ATG4C: variants seen among roughly 807,000 people sequenced by gnomAD.
ATG4C encodes cysteine protease ATG4C.
Under a neutral mutation model 57.6 loss-of-function variants are expected in ATG4C, and 56 were observed. The observed-to-expected ratio is 0.97, with a 90% CI of 0.78 to 1.21. The LOEUF (loss-of-function observed/expected upper bound fraction) is 1.21. Ranked by LOEUF, ATG4C falls within the 50% of genes most tolerant of loss-of-function variation. ATG4C has a pLI of 0.00. For synonymous variants in ATG4C, 157 were observed against 174.1 expected, an observed-to-expected ratio of 0.90 and a Z score of 0.78; for missense variants, 595 against 529.8, an observed-to-expected ratio of 1.12 and a Z score of -1.21.
intron 10 of ATG4C, among the ~76,000 whole-genome samples, chr1:62,859,489 G>A (rs1353200399): frequency 6.6e-6 from 1 of 152,072 alleles, no homozygotes; most frequent in African/African-American, 2.4e-5. Context: ...ATAAAAAATG[G>A]TGTACCTGTG....
At chr1:62,860,643 A>T (rs1004256860) in intron 10 of ATG4C, among the ~76,000 whole-genome samples, 2 of 152,252 alleles carry the variant, frequency 1.3e-5, no homozygotes, top group Non-Finnish European at 2.9e-5. Context: ...ACAGTGTTAC[A>T]TCCACAAGAT....
intron 1 of ATG4C, among the ~76,000 whole-genome samples, chr1:62,791,096 AG>A (rs1018008214): frequency 6.6e-6 from 1 of 152,156 alleles, no homozygotes; most frequent in Non-Finnish European, 1.5e-5. Flanking sequence ...CTCATTGGAA[AG>A]GGGGAAAATA....
At chr1:62,787,058 G>A (rs1416489755) in intron 1 of ATG4C, among the ~76,000 whole-genome samples, 1 of 152,154 alleles carries the variant, frequency 6.6e-6, no homozygotes, top group Non-Finnish European at 1.5e-5. Flanking sequence ...TATATAACTG[G>A]AAGGATTGTT....
chr1:62,796,978 C>T (rs1023598305), intron 1 of ATG4C, among the ~76,000 whole-genome samples: 1 of 152,038 alleles, frequency 6.6e-6, no homozygotes, highest in Non-Finnish European at 1.5e-5. Context: ...CATGGTGGCA[C>T]ATGCCTGAAA....
chr1:62,841,459 C>G lies in ATG4C; in HGVS notation c.1121C>G (p.Ser374Cys). The G allele has an allele frequency of 1.9e-6, 3 of 1,607,662 alleles. No individual in the cohort carries two copies. Among genetic ancestry groups the G allele is most frequent in the Non-Finnish European group, 1.7e-6 (2 of 1,176,748 alleles). ...CACTGCCCTTCTCCCAAAAAGATGTCTTTTCGAAAAATGGATCCCAGCTGT... is the reference window on the plus strand; with the variant it reads ...CACTGCCCTTCTCCCAAAAAGATGTGTTTTCGAAAAATGGATCCCAGCTGT... ...TFHCPSPKKM[S>C]FRKMDPSCTI... is the part of the protein sequence containing the mutation. The change falls in exon 10 of 11, where the codon TCT becomes TGT. Residue 374 changes from serine to cysteine, a missense_variant. Physicochemically the swap from Ser to Cys is moderately radical, Grantham distance 112. Coordinates refer to ENST00000317868, the MANE Select transcript of ATG4C (RefSeq NM_032852.4).
At chr1:62,841,617 A>C in intron 10 of ATG4C, 70 bp downstream of exon 10, 1 of 1,260,742 alleles carries the variant, frequency 7.9e-7, no homozygotes, top group Non-Finnish European at 1.1e-6. Flanking sequence ...CAGAAAGCAA[A>C]AACCTGTAAA....
chr1:62,857,033 G>C (rs1666705357), intron 10 of ATG4C, among the ~76,000 whole-genome samples: 1 of 152,072 alleles, frequency 6.6e-6, no homozygotes, highest in African/African-American at 2.4e-5. Flanking sequence ...TGGCATCCTA[G>C]GACCTTTACA....
rs777845432 is a variant in ATG4C, at chr1:62,805,156, T to TC, written c.77-16_77-15insC. 2.7e-6 allele frequency: 4 copies of TC among 1,465,242 alleles called. No homozygotes were observed. In the East Asian group the frequency reaches 7.8e-5, roughly 28 times the overall value. 90.8% of individuals were successfully genotyped at this position (1,465,242 alleles called of 1,614,324 possible). Reference sequence around the variant, plus strand: ...AATTACAAAACGTTTTCTTTTCTTTTTTTTTTTTTTGCTAGGTTGGGTGTT... The same window carrying TC: ...AATTACAAAACGTTTTCTTTTCTTTTCTTTTTTTTTTGCTAGGTTGGGTGTT... On this transcript the variant is annotated splice_polypyrimidine_tract_variant and intron_variant, in intron 2 of 10. Coordinates refer to ENST00000317868, the MANE Select transcript of ATG4C (RefSeq NM_032852.4).
intron 1 of ATG4C, among the ~76,000 whole-genome samples, chr1:62,801,689 T>C (rs1664668918): frequency 6.7e-6 from 1 of 149,796 alleles, no homozygotes; most frequent in Non-Finnish European, 1.5e-5. Context: ...GCCGGCGCAG[T>C]GGCTCACGCC....
chr1:62,793,386 C>T (rs1294481727), intron 1 of ATG4C, among the ~76,000 whole-genome samples: 10 of 150,152 alleles, frequency 6.7e-5, no homozygotes, highest in East Asian at 4.0e-4. Flanking sequence ...CTGAGGCGGG[C>T]GGATCACTTG....
chr1:62,789,976 C>T (rs1476240077), intron 1 of ATG4C, among the ~76,000 whole-genome samples: 1 of 151,068 alleles, frequency 6.6e-6, no homozygotes, highest in South Asian at 2.1e-4. Flanking sequence ...AGTGCAATGG[C>T]GGATCTTGGC....
intron 1 of ATG4C, among the ~76,000 whole-genome samples, chr1:62,785,460 TAATG>T (rs1402170899): frequency 2.0e-5 from 3 of 152,232 alleles, no homozygotes; most frequent in Non-Finnish European, 4.4e-5. Context: ...GCCATTTAAT[TAATG>T]CTCTTTTTCT....
intron 10 of ATG4C, among the ~76,000 whole-genome samples, chr1:62,855,425 A>G (rs771170599): frequency 6.6e-6 from 1 of 152,166 alleles, no homozygotes; most frequent in Non-Finnish European, 1.5e-5. Flanking sequence ...AAGGATAAAC[A>G]TTACCTGTTC....
At chr1:62,799,478 C>G (rs1664583956) in intron 1 of ATG4C, among the ~76,000 whole-genome samples, 1 of 152,142 alleles carries the variant, frequency 6.6e-6, no homozygotes, top group African/African-American at 2.4e-5. Context: ...TAAAGTTACT[C>G]TGAGTAAATA....
Position 62,864,522 on chromosome 1 carries a change from GT to G in ATG4C, c.*366del, listed in dbSNP as rs1666948957. 5.6e-6 allele frequency: 1 copy of G among 178,824 alleles called. No homozygotes were observed. Among genetic ancestry groups the G allele is most frequent in the East Asian group, 1.8e-4 (1 of 5,442 alleles). The allele number at this position is 178,824 out of a possible 1,614,324, so 11.1% of individuals were successfully genotyped here. On this transcript the variant is annotated 3_prime_UTR_variant, in exon 11 of 11. Coordinates refer to ENST00000317868, the MANE Select transcript of ATG4C (RefSeq NM_032852.4). ...CCCCAAAGACTGGGATCACCAAATAGTTTCAAAATTCTCAGTTTGTACTGAA... is the reference window on the plus strand; with the variant it reads ...CCCCAAAGACTGGGATCACCAAATAGTTCAAAATTCTCAGTTTGTACTGAA...
chr1:62,858,630 A>T (rs995035364), intron 10 of ATG4C, among the ~76,000 whole-genome samples: 1 of 152,226 alleles, frequency 6.6e-6, no homozygotes, highest in Non-Finnish European at 1.5e-5. Context: ...CAGAAAATAG[A>T]AGGAAAAACA....
chr1:62,804,720 T>C (rs1664801054), intron 2 of ATG4C, among the ~76,000 whole-genome samples: 1 of 152,182 alleles, frequency 6.6e-6, no homozygotes, highest in African/African-American at 2.4e-5. Flanking sequence ...GGAGAAGTAC[T>C]TGGGCAGAAC....
At chr1:62,846,496 A>G (rs1438937054) in intron 10 of ATG4C, among the ~76,000 whole-genome samples, 2 of 152,088 alleles carry the variant, frequency 1.3e-5, no homozygotes, top group Non-Finnish European at 2.9e-5. Flanking sequence ...TTGTTTTCCA[A>G]ATTTTATATT....
intron 7 of ATG4C, among the ~76,000 whole-genome samples, chr1:62,829,879 G>A (rs115501607): frequency 6.6e-6 from 1 of 151,998 alleles, no homozygotes; most frequent in Non-Finnish European, 1.5e-5. Flanking sequence ...TCATTTTTTA[G>A]TAGTCTCTTT....
Sources: gnomAD v4.1 joint callset for allele counts (sites outside exome capture counted in the v4.1 genomes callset) on GRCh38, gnomAD v4.1.1 for gene constraint, MANE v1.5 for transcripts, NCBI Gene and HGNC (gene_info 2026-07-23, HGNC 2026-07-21) for gene names.